PBRM1: variants seen among roughly 807,000 people sequenced by gnomAD.
PBRM1 encodes the protein protein polybromo-1.
Under a neutral mutation model 194.5 loss-of-function variants are expected in PBRM1, and 27 were observed. The ratio of observed to expected loss-of-function variants is 0.14; its 90% confidence interval spans 0.10 to 0.19. The LOEUF is 0.19. PBRM1 is among the 10% of genes least tolerant of loss of function. The probability of loss-of-function intolerance (pLI) is 1.00; values close to 1 mark genes in which losing one functional copy is unlikely to be tolerated. For missense variants in PBRM1, 1,466 were observed against 2,077.2 expected, an observed-to-expected ratio of 0.71 and a Z score of 5.72; for synonymous variants, 655 against 693.2, an observed-to-expected ratio of 0.94 and a Z score of 0.87.
At chr3:52,567,404 G>C (rs1258790845) in intron 22 of PBRM1, among the ~76,000 whole-genome samples, 1 of 151,996 alleles carries the variant, frequency 6.6e-6, no homozygotes, top group South Asian at 2.1e-4. Context: ...TAAAGGGTAT[G>C]TATACACTTT....
intron 25 of PBRM1, among the ~76,000 whole-genome samples, chr3:52,560,092 CA>C (rs2083149514): frequency 6.6e-6 from 1 of 152,280 alleles, no homozygotes; most frequent in Admixed American, 6.5e-5. Flanking sequence ...ACTCCCCCCT[CA>C]CTAGGTTCTC....
intron 11 of PBRM1, among the ~76,000 whole-genome samples, chr3:52,630,378 T>C (rs1577078792): frequency 6.6e-6 from 1 of 152,284 alleles, no homozygotes; most frequent in East Asian, 1.9e-4. Flanking sequence ...TACAATATAG[T>C]AGCCACTAGC....
chr3:52,600,139 T>C (rs924265412), intron 17 of PBRM1, among the ~76,000 whole-genome samples: 4 of 152,218 alleles, frequency 2.6e-5, no homozygotes, highest in Admixed American at 6.5e-5. Context: ...CCTTTCTATG[T>C]GTTGGGAACA....
rs74413194 is a variant in PBRM1 at position 52,564,280 on chromosome 3, T to C, written c.3692-47A>G. The C allele has an allele frequency of 1.9e-4, 246 of 1,316,046 alleles. No individual in the cohort carries two copies. The East Asian group carries it at 3.7e-3, about 20-fold the overall frequency. The allele number at this position is 1,316,046 out of a possible 1,614,324, so 81.5% of individuals were successfully genotyped here. On this transcript the variant is annotated intron_variant, in intron 22 of 29. Coordinates refer to ENST00000296302, the Ensembl canonical transcript of PBRM1. Reference sequence around the variant, plus strand: ...AAATTAAAGGAGTAAACTGTGGTCATAGTTACTAACTGTTTTAACATTTTA... The same window carrying C: ...AAATTAAAGGAGTAAACTGTGGTCACAGTTACTAACTGTTTTAACATTTTA...
intron 10 of PBRM1, among the ~76,000 whole-genome samples, chr3:52,641,389 G>A (rs2096071975): frequency 7.0e-6 from 1 of 142,926 alleles, no homozygotes; most frequent in Non-Finnish European, 1.5e-5. Context: ...GGACGTTGCA[G>A]TGAGCTAAGG....
intron 17 of PBRM1, among the ~76,000 whole-genome samples, chr3:52,594,105 G>A (rs2093353380): frequency 6.6e-6 from 1 of 152,080 alleles, no homozygotes; most frequent in Non-Finnish European, 1.5e-5. Flanking sequence ...TGCTCTTGAA[G>A]GCCTAGGCTC....
chr3:52,630,834 A>C (rs2095595821), intron 11 of PBRM1, among the ~76,000 whole-genome samples: 1 of 152,202 alleles, frequency 6.6e-6, no homozygotes, highest in African/African-American at 2.4e-5. Context: ...ACTTGGAAGA[A>C]GGCTGTGTTG....
rs891183802 is a variant in PBRM1 at position 52,609,961 on chromosome 3, G to C, written c.1925-6C>G. 1 of 1,454,814 alleles carries C rather than the reference G, an allele frequency of 6.9e-7. No individual in the cohort carries two copies. The highest frequency in any genetic ancestry group is 1.5e-5 in the South Asian group (1 of 67,494). 90.1% of individuals were successfully genotyped at this position (1,454,814 alleles called of 1,614,324 possible). A position where few individuals can be genotyped will look rare whatever the true frequency, so the allele number is the denominator to read the frequency against. On this transcript the variant is annotated splice_polypyrimidine_tract_variant and splice_region_variant and intron_variant, in intron 15 of 29. Coordinates refer to ENST00000296302, the Ensembl canonical transcript of PBRM1. The surrounding 1 kb of genome is among the most constrained non-coding windows in gnomAD (Gnocchi z 4.1). ...AGAAATGCCACTCTTCCTACCTAAAGAGAGATATTTAATGTTAAATGAATA... is the reference window on the plus strand; with the variant it reads ...AGAAATGCCACTCTTCCTACCTAAACAGAGATATTTAATGTTAAATGAATA...
intron 29 of PBRM1, among the ~76,000 whole-genome samples, chr3:52,549,403 C>A (rs1013111059): frequency 4.6e-5 from 7 of 151,852 alleles, no homozygotes; most frequent in African/African-American, 1.2e-4. Flanking sequence ...TGAACTCAAT[C>A]GATCTGTCCA....
intron 29 of PBRM1, among the ~76,000 whole-genome samples, chr3:52,548,715 T>G (rs1405720700): frequency 6.6e-6 from 1 of 152,036 alleles, no homozygotes; most frequent in South Asian, 2.1e-4. Flanking sequence ...TGTGAGCCAC[T>G]GCACCCGGCC....
chr3:52,627,384 G>C lies in PBRM1; in HGVS notation c.1444-14C>G, dbSNP rs2153580804. 6.5e-7 allele frequency: 1 copy of C among 1,541,124 alleles called. No homozygotes were observed. The highest frequency in any genetic ancestry group is 1.7e-4 in the Middle Eastern group (1 of 5,896). ...TTTCTTCTTTGCCTAAAACAGAGCA[G>C]ATCTCAGGAGTTGAGCTCATGTGCC... is the stretch of plus-strand genomic sequence containing the variant. On this transcript the variant is annotated splice_polypyrimidine_tract_variant and intron_variant, in intron 12 of 29. Transcript: ENST00000296302.
At chr3:52,582,860 G>A (rs1002929964) in intron 20 of PBRM1, among the ~76,000 whole-genome samples, 1 of 151,952 alleles carries the variant, frequency 6.6e-6, no homozygotes, top group Middle Eastern at 3.2e-3. Context: ...TACTTTGGGA[G>A]GCCGAGGCGG....
At chr3:52,632,151 A>T (rs1318084497) in intron 11 of PBRM1, among the ~76,000 whole-genome samples, 1 of 152,250 alleles carries the variant, frequency 6.6e-6, no homozygotes, top group Non-Finnish European at 1.5e-5. Flanking sequence ...AAACTAGGTC[A>T]GGATCTATTT....
At chr3:52,662,366 C>T (rs2096741749) in intron 3 of PBRM1, 90 bp from the exon 5 acceptor site, 1 of 1,104,978 alleles carries the variant, frequency 9.0e-7, no homozygotes, top group South Asian at 1.5e-5. Flanking sequence ...CAGCAAAGAC[C>T]AAAAATTGTT....
At chr3:52,572,655 C>T (rs1463788396) in intron 22 of PBRM1, among the ~76,000 whole-genome samples, 5 of 152,072 alleles carry the variant, frequency 3.3e-5, no homozygotes, top group African/African-American at 7.2e-5. Context: ...GGATTATAGG[C>T]GTGAGCCATT....
intron 25 of PBRM1, among the ~76,000 whole-genome samples, chr3:52,559,198 T>C (rs58725214): frequency 0.073 from 11,152 of 152,172 alleles, 976 homozygotes; most frequent in African/African-American, 0.21. Flanking sequence ...CAATGAAAAT[T>C]CCAGAATCCC....
chr3:52,672,812 G>A (rs575309161), intron 2 of PBRM1, among the ~76,000 whole-genome samples: 15 of 150,866 alleles, frequency 9.9e-5, no homozygotes, highest in Admixed American at 3.3e-4. Flanking sequence ...GAGTTTTGAA[G>A]AGAATAGTGA....
chr3:52,635,187 A>G (rs1259125725), intron 10 of PBRM1, among the ~76,000 whole-genome samples: 1 of 152,082 alleles, frequency 6.6e-6, no homozygotes, highest in Admixed American at 6.5e-5. Flanking sequence ...TCAGCCTCCT[A>G]AAGTGCTGGG....
chr3:52,588,555 T>TC (rs2092684571), intron 18 of PBRM1, among the ~76,000 whole-genome samples: 1 of 54,484 alleles, frequency 1.8e-5, no homozygotes. Context: ...TTTCTTTCTT[T>TC]TTTTTTTTTT....
Sources: gnomAD v4.1 joint callset for allele counts (sites outside exome capture counted in the v4.1 genomes callset) on GRCh38, gnomAD v4.1.1 for gene constraint, Gnocchi (gnomAD v3.1) non-coding constraint, MANE v1.5 for transcripts, NCBI Gene and HGNC (gene_info 2026-07-23, HGNC 2026-07-21) for gene names.